The following PRDM16 variants were observed in gnomAD, a reference collection of about 807,000 sequenced individuals.
PRDM16 encodes PR/SET domain 16.
Under a neutral mutation model 110.6 loss-of-function variants are expected in PRDM16, and 23 were observed. The ratio of observed to expected loss-of-function variants is 0.21; its 90% CI spans 0.15 to 0.29. The LOEUF (loss-of-function observed/expected upper bound fraction) is 0.29. Ranked by LOEUF, PRDM16 falls within the 10% of genes least tolerant of loss-of-function variation. The pLI is 1.00. For missense variants in PRDM16, 1,615 were observed against 1,794.3 expected (o/e 0.90, Z 1.81); for synonymous variants, 799 against 781.8 (o/e 1.02, Z -0.37).
chr1:3,133,822 C>G (rs1334413307), intron 1 of PRDM16: 1 of 152,198 alleles, frequency 6.6e-6, no homozygotes, highest in African/African-American at 2.4e-5. Context: ...CCTTTCGCCG[C>G]GGGAATTTGT....
rs1638940518 is a variant in PRDM16, at chr1:3,213,232, G to A, written c.387+26758G>A. Among the ~76,000 whole-genome samples the A allele has an allele frequency of 6.6e-6, 1 of 152,234 alleles. No homozygotes were observed. Among genetic ancestry groups the A allele is most frequent in the Admixed American group, 6.5e-5 (1 of 15,292 alleles). ...TAAACACCACCCATTCCGTGGTGAGGGGGGAAATGGAGAAGAAACCACCTT... is the reference window on the plus strand; with the variant it reads ...TAAACACCACCCATTCCGTGGTGAGAGGGGAAATGGAGAAGAAACCACCTT... On this transcript the variant is annotated intron_variant, in intron 2 of 16. Transcript: ENST00000270722. The surrounding 1 kb of genome is among the most constrained non-coding windows in gnomAD (Gnocchi z 5.3).
intron 3 of PRDM16, among the ~76,000 whole-genome samples, chr1:3,257,909 C>T (rs763565230): frequency 6.6e-6 from 1 of 152,168 alleles, no homozygotes; most frequent in Non-Finnish European, 1.5e-5. Context: ...AGTGTCCCCA[C>T]CACAGGGACA....
At position 3,353,372 on chromosome 1, in the gene PRDM16, G is replaced by A. The variant is rs967635508; in HGVS notation, c.439-31780G>A. Among the ~76,000 whole-genome samples the A allele has an allele frequency of 3.3e-5, 5 of 152,210 alleles. No homozygotes were observed. The highest frequency in any genetic ancestry group is 4.8e-5 in the African/African-American group (2 of 41,456). ...GGCCCTCATTGGGTGAGGGAGGCCC[G>A]GGGTATTTCTTGCCACATCTGAAAT... is the stretch of plus-strand genomic sequence containing the variant. On this transcript the variant is annotated intron_variant, in intron 3 of 16. Transcript: ENST00000270722. This position sits in a 1 kb window ranked among gnomAD's most constrained non-coding sequence, Gnocchi z 5.4.
At chr1:3,112,752 C>T (rs114287410) in intron 1 of PRDM16, among the ~76,000 whole-genome samples, 2,346 of 152,368 alleles carry the variant, frequency 0.015, 55 homozygotes, top group African/African-American at 0.046. Context: ...CAGCTAAGGG[C>T]ATAGTCACCC....
intron 1 of PRDM16, among the ~76,000 whole-genome samples, chr1:3,170,459 G>A (rs1048480518): frequency 2.0e-5 from 3 of 152,138 alleles, no homozygotes; most frequent in Non-Finnish European, 4.4e-5. Flanking sequence ...TTAGGACCAG[G>A]TGCTGGGCAA....
rs544268478 is a variant in PRDM16, at chr1:3,187,051, G to A, written c.387+577G>A. Among the ~76,000 whole-genome samples the A allele has an allele frequency of 2.6e-5, 4 of 152,372 alleles. No homozygotes were observed. The South Asian group carries it at 8.3e-4, about 32-fold the overall frequency. On this transcript the variant is annotated intron_variant, in intron 2 of 16. Transcript: ENST00000270722. ...CCCACCACGACGTGACTGGCCTTGA[G>A]GGTCTGAAGCTGGCCTGGTGATCCT...
chr1:3,107,446 G>A (rs1011159732), intron 1 of PRDM16, among the ~76,000 whole-genome samples: 3 of 152,184 alleles, frequency 2.0e-5, no homozygotes, highest in Non-Finnish European at 4.4e-5. Context: ...CAGTTCCTTG[G>A]TGTCAGTCTG....
intron 2 of PRDM16, among the ~76,000 whole-genome samples, chr1:3,210,421 C>T (rs1032348035): frequency 1.2e-4 from 18 of 152,248 alleles, no homozygotes; most frequent in African/African-American, 4.1e-4. Context: ...AAGCCAGGCT[C>T]CCAGCTGGAA....
intron 1 of PRDM16, among the ~76,000 whole-genome samples, chr1:3,116,718 G>A (rs991113042): frequency 6.6e-6 from 1 of 152,188 alleles, no homozygotes; most frequent in Non-Finnish European, 1.5e-5. Context: ...GAGGTCAGAA[G>A]CCACTTCTGG....
chr1:3,276,797 C>T (rs1254920244), intron 3 of PRDM16, among the ~76,000 whole-genome samples: 1 of 145,240 alleles, frequency 6.9e-6, no homozygotes, highest in Non-Finnish European at 1.5e-5. Flanking sequence ...CCCTTTGCCC[C>T]GTCTGACATC....
chr1:3,327,250 C>T (rs368587508), intron 3 of PRDM16, among the ~76,000 whole-genome samples: 1 of 152,202 alleles, frequency 6.6e-6, no homozygotes, highest in Non-Finnish European at 1.5e-5. Context: ...CAGGTGTGGC[C>T]GCCCCATGCA....
chr1:3,283,039 C>G (rs1429581978), intron 3 of PRDM16, among the ~76,000 whole-genome samples: 2 of 152,232 alleles, frequency 1.3e-5, no homozygotes, highest in Non-Finnish European at 2.9e-5. Context: ...ACAGGCGAGG[C>G]TGTGAGGCCG....
At chr1:3,418,626 C>T (rs766009903) in intron 11 of PRDM16, 41 bp from the exon 12 acceptor site, 2 of 1,386,838 alleles carry the variant, frequency 1.4e-6, no homozygotes, top group African/African-American at 2.8e-5. Context: ...TGTAAGCCCA[C>T]CCTAATCCTC....
At chr1:3,414,712 G>A (rs973072957) in intron 10 of PRDM16, 65 bp downstream of exon 10, 9 of 1,321,172 alleles carry the variant, frequency 6.8e-6, no homozygotes, top group African/African-American at 1.4e-5. Flanking sequence ...TCTCCCGGCT[G>A]TCGAGGCTCA....
intron 1 of PRDM16, among the ~76,000 whole-genome samples, chr1:3,086,432 C>T (rs1642153923): frequency 1.3e-5 from 2 of 152,200 alleles, no homozygotes. Flanking sequence ...CCCACATGCC[C>T]ACCCTCAGAG....
intron 3 of PRDM16, among the ~76,000 whole-genome samples, chr1:3,300,369 G>A (rs1439891409): frequency 7.6e-6 from 1 of 132,246 alleles, no homozygotes; most frequent in Non-Finnish European, 1.7e-5. Context: ...TGGTGACTCT[G>A]CCCTGGTTGA....
At chr1:3,257,435 T>C (rs1316745505) in intron 3 of PRDM16, among the ~76,000 whole-genome samples, 1 of 152,020 alleles carries the variant, frequency 6.6e-6, no homozygotes, top group Admixed American at 6.6e-5. Context: ...AACCAGAGAG[T>C]CCCAGAGAGC....
intron 1 of PRDM16, among the ~76,000 whole-genome samples, chr1:3,119,275 C>T (rs753487718): frequency 3.0e-4 from 46 of 152,254 alleles, no homozygotes; most frequent in African/African-American, 5.5e-4. Flanking sequence ...GCCGGTGCCT[C>T]GGCCGGTGCC....
At chr1:3,228,134 G>A (rs1399907968) in intron 2 of PRDM16, among the ~76,000 whole-genome samples, 2 of 152,266 alleles carry the variant, frequency 1.3e-5, no homozygotes, top group Admixed American at 6.5e-5. Flanking sequence ...TCCCTCTTCT[G>A]AAGAGAGTCC....
Sources: allele counts gnomAD v4.1 joint callset (sites outside exome capture counted in the v4.1 genomes callset), GRCh38; gene constraint gnomAD v4.1.1; non-coding constraint Gnocchi (gnomAD v3.1); transcripts MANE v1.5; gene names NCBI Gene and HGNC (gene_info 2026-07-23, HGNC 2026-07-21).